Variants in RSPO3 observed in about 807,000 individuals in gnomAD.
RSPO3 encodes the protein R-spondin-3.
A neutral mutation model predicts 36.5 loss-of-function variants in RSPO3; 17 were observed. The observed-to-expected ratio is 0.47, with a 90% CI of 0.32 to 0.70. The LOEUF (loss-of-function observed/expected upper bound fraction) is 0.70. RSPO3 is among the 30% of genes least tolerant of loss of function. RSPO3 has a pLI of 0.04. For missense variants in RSPO3, 294 were observed against 322.5 expected, an observed-to-expected ratio of 0.91 and a Z score of 0.68; for synonymous variants, 108 against 107.0, an observed-to-expected ratio of 1.01 and a Z score of -0.06.
In RSPO3 at chr6:127,197,314, G is replaced by A; in HGVS notation, c.*1307G>A. The A allele has an allele frequency of 7.2e-7, 1 of 1,384,250 alleles. No homozygotes were observed. Among genetic ancestry groups the A allele is most frequent in the Non-Finnish European group, 9.7e-7 (1 of 1,028,684 alleles). The allele number at this position is 1,384,250 out of a possible 1,614,324, so 85.7% of individuals were successfully genotyped here. The stretch of plus-strand genomic sequence containing the variant: ...ATGGGCCTCCCTAGCTGATTTCACT[G>A]CTCCCCCTTCATTGCTTAGAAATGG... On this transcript the variant is annotated 3_prime_UTR_variant, in exon 5 of 5. Transcript: ENST00000356698.
In RSPO3 at chr6:127,197,688, G is replaced by A; in HGVS notation, c.*1681G>A. Reference sequence around the variant, plus strand: ...ACACCCGTTCTCCACCAGTTGTACAGTTCATGTAATCTACTTGGCTTAATT... The same window carrying A: ...ACACCCGTTCTCCACCAGTTGTACAATTCATGTAATCTACTTGGCTTAATT... On this transcript the variant is annotated 3_prime_UTR_variant, in exon 5 of 5. Coordinates refer to ENST00000356698, the MANE Select transcript of RSPO3 (RefSeq NM_032784.5). 1 of 744,334 alleles carries A rather than the reference G, an allele frequency of 1.3e-6. No homozygotes were observed. Among genetic ancestry groups the A allele is most frequent in the Non-Finnish European group, 2.1e-6 (1 of 487,588 alleles). The allele number at this position is 744,334 out of a possible 1,614,324, so 46.1% of individuals were successfully genotyped here. A position where few individuals can be genotyped will look rare whatever the true frequency, so the allele number is the denominator to read the frequency against.
intron 1 of RSPO3, among the ~76,000 whole-genome samples, chr6:127,142,958 G>T (rs1460646919): frequency 6.6e-6 from 1 of 150,814 alleles, no homozygotes; most frequent in Non-Finnish European, 1.5e-5. Context: ...TGAGACCACA[G>T]GCATGTGTCA....
chr6:127,166,504 C>T (rs1198573323), intron 4 of RSPO3, among the ~76,000 whole-genome samples: 3 of 151,992 alleles, frequency 2.0e-5, no homozygotes, highest in Non-Finnish European at 4.4e-5. Context: ...TTAGCCTTTA[C>T]ATATCCCATT....
chr6:127,168,201 T>C (rs1774860600), intron 4 of RSPO3, among the ~76,000 whole-genome samples: 1 of 152,144 alleles, frequency 6.6e-6, no homozygotes, highest in Non-Finnish European at 1.5e-5. Context: ...ATGGTTGAAC[T>C]AGTTTACAGT....
intron 4 of RSPO3, among the ~76,000 whole-genome samples, chr6:127,162,473 T>C (rs1774727393): frequency 6.6e-6 from 1 of 152,158 alleles, no homozygotes; most frequent in African/African-American, 2.4e-5. Context: ...AGTCAACTAT[T>C]GATACAGGAG....
chr6:127,131,266 A>G (rs974266009), intron 1 of RSPO3, among the ~76,000 whole-genome samples: 4 of 152,104 alleles, frequency 2.6e-5, no homozygotes, highest in Non-Finnish European at 1.5e-5. Context: ...CTAACAGAAT[A>G]AGGGAGAGTT....
intron 1 of RSPO3, among the ~76,000 whole-genome samples, chr6:127,128,646 G>A (rs1423240708): frequency 6.6e-6 from 1 of 152,046 alleles, no homozygotes; most frequent in Admixed American, 6.6e-5. Context: ...AAATAGTAGT[G>A]TAAAATATAA....
intron 4 of RSPO3, among the ~76,000 whole-genome samples, chr6:127,180,391 T>G (rs1230118724): frequency 6.7e-6 from 1 of 148,278 alleles, no homozygotes. Flanking sequence ...CTGGGCAGAT[T>G]TAAAAACAAA....
At chr6:127,177,504 A>C (rs1381901217) in intron 4 of RSPO3, among the ~76,000 whole-genome samples, 12 of 151,858 alleles carry the variant, frequency 7.9e-5, no homozygotes, top group Non-Finnish European at 1.8e-4. Flanking sequence ...ATCTGGAATC[A>C]ATTTGAGATT....
chr6:127,190,071 G>GA (rs1240643236), intron 4 of RSPO3, among the ~76,000 whole-genome samples: 1 of 151,972 alleles, frequency 6.6e-6, no homozygotes, highest in Non-Finnish European at 1.5e-5. Context: ...CCCCACAAAA[G>GA]AAAAAAGTCA....
intron 1 of RSPO3, among the ~76,000 whole-genome samples, chr6:127,126,127 G>A (rs562084095): frequency 2.0e-5 from 3 of 152,064 alleles, no homozygotes; most frequent in East Asian, 1.9e-4. Context: ...AAATGATGAC[G>A]ATCAACAAAA....
intron 1 of RSPO3, among the ~76,000 whole-genome samples, chr6:127,141,818 T>C (rs1183134042): frequency 3.3e-5 from 5 of 152,206 alleles, no homozygotes; most frequent in Non-Finnish European, 5.9e-5. Context: ...AATTTGTATG[T>C]AGGTGTGTGT....
In RSPO3 at chr6:127,196,112, G is replaced by T. The variant is rs1301886059; in HGVS notation, c.*105G>T. 1 of 948,096 alleles carries T rather than the reference G, an allele frequency of 1.1e-6. No homozygotes were observed. Among genetic ancestry groups the T allele is most frequent in the African/African-American group, 1.6e-5 (1 of 60,686 alleles). 58.7% of individuals were successfully genotyped at this position (948,096 alleles called of 1,614,324 possible). A position where few individuals can be genotyped will look rare whatever the true frequency, so the allele number is the denominator to read the frequency against. On this transcript the variant is annotated 3_prime_UTR_variant, in exon 5 of 5. Transcript: ENST00000356698. ...ACCACAAATGGACATGTCAGTTATT[G>T]CTCTGTCTAAACAACATTCCCAGTA...
chr6:127,167,753 C>T (rs1296063711), intron 4 of RSPO3, among the ~76,000 whole-genome samples: 1 of 151,924 alleles, frequency 6.6e-6, no homozygotes, highest in Non-Finnish European at 1.5e-5. Context: ...AATGCTATCC[C>T]TCCCCCATCC....
intron 4 of RSPO3, among the ~76,000 whole-genome samples, 155 bp downstream of exon 4, chr6:127,155,593 T>C (rs754920646): frequency 6.6e-6 from 1 of 152,130 alleles, no homozygotes; most frequent in South Asian, 2.1e-4. Context: ...TTACAGAATA[T>C]AGATGTGGTA....
chr6:127,126,577 G>C (rs1773943208), intron 1 of RSPO3, among the ~76,000 whole-genome samples: 1 of 152,028 alleles, frequency 6.6e-6, no homozygotes, highest in Admixed American at 6.6e-5. Context: ...CTTACCTGTG[G>C]AACTTTGCCA....
At chr6:127,167,852 C>T (rs952479509) in intron 4 of RSPO3, among the ~76,000 whole-genome samples, 1 of 151,780 alleles carries the variant, frequency 6.6e-6, no homozygotes, top group Non-Finnish European at 1.5e-5. Flanking sequence ...TGAGTGAGAA[C>T]ATGCGGTGTT....
Position 127,148,734 on chromosome 6 carries a change from T to C in RSPO3, c.184T>C (p.Phe62Leu), listed in dbSNP as rs1237318172. The change falls in exon 2 of 5, where the codon TTT (phenylalanine) becomes CTT (leucine). Residue 62 changes from phenylalanine to leucine, a missense_variant. By Grantham distance (22) the Phe-to-Leu change is conservative (BLOSUM62 0). Transcript: ENST00000356698. ...ATGTTTGTCATGTAAGCCCAGACTA[T>C]TTTTTGCTCTGGAAAGAATTGGCAT... Reference protein sequence around the residue: ...NGCLSCKPRLFFALERIGMKQ... With the variant: ...NGCLSCKPRLLFALERIGMKQ... 1 of 1,613,108 alleles carries C rather than the reference T, an allele frequency of 6.2e-7. No individual in the cohort carries two copies. Among genetic ancestry groups the C allele is most frequent in the African/African-American group, 1.3e-5 (1 of 74,880 alleles).
At chr6:127,119,794 C>A (rs1056204146) in intron 1 of RSPO3, 1 of 152,838 alleles carries the variant, frequency 6.5e-6, no homozygotes, top group Non-Finnish European at 1.5e-5. Flanking sequence ...ACGCCCGCTA[C>A]CCGGCCAGGA....
Sources: gnomAD v4.1 joint callset for allele counts (sites outside exome capture counted in the v4.1 genomes callset) on GRCh38, gnomAD v4.1.1 for gene constraint, MANE v1.5 for transcripts, NCBI Gene and HGNC (gene_info 2026-07-23, HGNC 2026-07-21) for gene names.